The following PAN3 variants were observed in gnomAD, a reference collection of about 807,000 sequenced individuals.
PAN3 encodes the protein PAN2-PAN3 deadenylation complex subunit PAN3.
PAN3 carries 19 observed loss-of-function variants against 96.2 expected under a neutral mutation model. The observed-to-expected ratio is 0.20, with a 90% CI of 0.14 to 0.29. The LOEUF is 0.29. PAN3 is among the 10% of genes least tolerant of loss of function. The pLI, the probability that PAN3 is intolerant of heterozygous loss-of-function variation, is 1.00. For missense variants in PAN3, 882 were observed against 1,108.1 expected, an observed-to-expected ratio of 0.80 and a Z score of 2.90; for synonymous variants, 433 against 406.6, an observed-to-expected ratio of 1.06 and a Z score of -0.78.
intron 4 of PAN3, among the ~76,000 whole-genome samples, chr13:28,193,856 G>C (rs1471613158): frequency 6.6e-6 from 1 of 150,792 alleles, no homozygotes; most frequent in Non-Finnish European, 1.5e-5. Flanking sequence ...TGTAATAACT[G>C]TGTCAAAAGT....
chr13:28,173,731 A>G (rs1231825343), intron 1 of PAN3, among the ~76,000 whole-genome samples: 1 of 152,182 alleles, frequency 6.6e-6, no homozygotes, highest in Non-Finnish European at 1.5e-5. Flanking sequence ...GATTGCCCTA[A>G]TAGTTCTACA....
At chr13:28,189,566 G>C (rs190106937) in intron 4 of PAN3, among the ~76,000 whole-genome samples, 2 of 151,984 alleles carry the variant, frequency 1.3e-5, no homozygotes, top group East Asian at 1.9e-4. Context: ...TTAAGATCAA[G>C]CTCCAAGGGG....
At chr13:28,282,519 T>C (rs1868405637) in intron 17 of PAN3, among the ~76,000 whole-genome samples, 2 of 152,260 alleles carry the variant, frequency 1.3e-5, no homozygotes, top group African/African-American at 4.8e-5. Context: ...TTAAAATGTC[T>C]GCTTATAGTT....
At position 28,293,386 on chromosome 13, in the gene PAN3, G is replaced by GTTTTTT; in HGVS notation, c.*864_*865insTTTTTT. On this transcript the variant is annotated 3_prime_UTR_variant, in exon 19 of 19. Transcript: ENST00000380958. ...TACTTTAGGTTCTTTCCAGTTTGCTGGTTTTTTTTTTTTTTTTTTTTTTTT... is the reference window on the plus strand; with the variant it reads ...TACTTTAGGTTCTTTCCAGTTTGCTGTTTTTTGTTTTTTTTTTTTTTTTTTTTTTTT... 2 of 50,340 alleles carry GTTTTTT rather than the reference G, an allele frequency of 4.0e-5. No individual in the cohort carries two copies. Among genetic ancestry groups the GTTTTTT allele is most frequent in the Non-Finnish European group, 7.1e-5 (2 of 28,368 alleles). 3.1% of individuals were successfully genotyped at this position (50,340 alleles called of 1,614,324 possible).
intron 1 of PAN3, among the ~76,000 whole-genome samples, chr13:28,169,310 A>G (rs1261291590): frequency 7.1e-6 from 1 of 140,792 alleles, no homozygotes; most frequent in Non-Finnish European, 1.5e-5. Flanking sequence ...GCTCACTGCA[A>G]CCTCTGCCTC....
chr13:28,202,747 A>G (rs1293504056), intron 5 of PAN3, among the ~76,000 whole-genome samples: 1 of 151,946 alleles, frequency 6.6e-6, no homozygotes, highest in African/African-American at 2.4e-5. Flanking sequence ...TCTGTTTTGT[A>G]TTAAATTTGT....
At position 28,292,997 on chromosome 13, in the gene PAN3, T is replaced by G. The variant is rs1729887905; in HGVS notation, c.*475T>G. On this transcript the variant is annotated 3_prime_UTR_variant, in exon 19 of 19. Transcript: ENST00000380958. ...TGAATAACATTACGGACCAGGTAAA[T>G]AATTTCATAGAAGTTCAGTATAGTA... 1 of 152,548 alleles carries G rather than the reference T, an allele frequency of 6.6e-6. No individual in the cohort carries two copies. The highest frequency in any genetic ancestry group is 2.4e-5 in the African/African-American group (1 of 41,464). 9.4% of individuals were successfully genotyped at this position (152,548 alleles called of 1,614,324 possible).
At chr13:28,174,951 G>A (rs1038079618) in intron 2 of PAN3, among the ~76,000 whole-genome samples, 36 of 151,988 alleles carry the variant, frequency 2.4e-4, no homozygotes, top group Non-Finnish European at 2.8e-4. Flanking sequence ...AAATGTCTTT[G>A]AATTTTTTTT....
At chr13:28,174,128 T>C in intron 1 of PAN3, 144 bp from the exon 2 acceptor site, 1 of 805,658 alleles carries the variant, frequency 1.2e-6, no homozygotes, top group South Asian at 2.0e-5. Flanking sequence ...CCCAATTTTA[T>C]TTGATCTTAC....
At chr13:28,205,102 C>T (rs1458901349) in intron 5 of PAN3, among the ~76,000 whole-genome samples, 1 of 151,732 alleles carries the variant, frequency 6.6e-6, no homozygotes, top group Admixed American at 6.6e-5. Flanking sequence ...TTTAAGATCT[C>T]GGGGGCGGTG....
chr13:28,153,665 A>G (rs747102536), intron 1 of PAN3, among the ~76,000 whole-genome samples: 2 of 152,192 alleles, frequency 1.3e-5, no homozygotes, highest in Admixed American at 1.3e-4. Context: ...TTTTTCCTCA[A>G]GTCTCTTATA....
intron 5 of PAN3, chr13:28,215,050 A>T: frequency 9.1e-7 from 1 of 1,100,110 alleles, no homozygotes. Context: ...ACTTATATTA[A>T]TAAAATTGGC....
chr13:28,247,373 T>G (rs1017788646), intron 6 of PAN3, among the ~76,000 whole-genome samples: 1 of 152,158 alleles, frequency 6.6e-6, no homozygotes, highest in Non-Finnish European at 1.5e-5. Flanking sequence ...ATATATTCTC[T>G]CTTTCTGCAG....
intron 4 of PAN3, among the ~76,000 whole-genome samples, chr13:28,190,346 G>C (rs1877085767): frequency 6.6e-6 from 1 of 151,970 alleles, no homozygotes; most frequent in Non-Finnish European, 1.5e-5. Flanking sequence ...GGGTTAAAGT[G>C]ATCCTCTCAC....
intron 1 of PAN3, among the ~76,000 whole-genome samples, chr13:28,160,845 G>A (rs73446916): frequency 0.038 from 5,746 of 152,238 alleles, 332 homozygotes; most frequent in African/African-American, 0.13. Flanking sequence ...CCTCACTTTA[G>A]TTGTGGCATA....
intron 8 of PAN3, among the ~76,000 whole-genome samples, chr13:28,260,786 C>T (rs975003453): frequency 2.6e-5 from 4 of 152,044 alleles, no homozygotes; most frequent in African/African-American, 9.7e-5. Flanking sequence ...AAATGGTTCA[C>T]TGTTCTGTAC....
intron 6 of PAN3, among the ~76,000 whole-genome samples, chr13:28,221,986 A>T (rs1189062102): frequency 2.0e-5 from 3 of 152,170 alleles, no homozygotes; most frequent in Non-Finnish European, 4.4e-5. Context: ...ATCCGCAATA[A>T]TGGGATCCAT....
At chr13:28,228,763 C>T (rs565058661) in intron 6 of PAN3, among the ~76,000 whole-genome samples, 5 of 152,228 alleles carry the variant, frequency 3.3e-5, no homozygotes, top group African/African-American at 9.6e-5. Flanking sequence ...ATCAGCTGCT[C>T]TCTCCGCCAT....
At chr13:28,236,459 C>T (rs1566214003) in intron 6 of PAN3, among the ~76,000 whole-genome samples, 1 of 151,962 alleles carries the variant, frequency 6.6e-6, no homozygotes, top group Non-Finnish European at 1.5e-5. Context: ...AAAAAATGTT[C>T]AAAATGCCAG....
Sources: allele counts gnomAD v4.1 joint callset (sites outside exome capture counted in the v4.1 genomes callset), GRCh38; gene constraint gnomAD v4.1.1; transcripts MANE v1.5; gene names NCBI Gene and HGNC (gene_info 2026-07-23, HGNC 2026-07-21).